The following RALYL variants were observed in gnomAD, a reference collection of about 807,000 sequenced individuals.
The protein encoded by RALYL is RNA-binding Raly-like protein.
A neutral mutation model predicts 35.1 loss-of-function variants in RALYL; 29 were observed. The observed-to-expected ratio is 0.83, with a 90% CI of 0.61 to 1.13. The LOEUF is 1.13. Ranked by LOEUF, RALYL falls within the 50% of genes most tolerant of loss-of-function variation. The probability of loss-of-function intolerance (pLI) is 0.00; values close to 1 mark genes in which losing one functional copy is unlikely to be tolerated. For missense variants in RALYL, 359 were observed against 360.4 expected (o/e 1.00, Z 0.03); for synonymous variants, 120 against 127.6 (o/e 0.94, Z 0.40).
intron 2 of RALYL, among the ~76,000 whole-genome samples, chr8:84,693,938 C>T (rs923777366): frequency 6.6e-6 from 1 of 151,712 alleles, no homozygotes; most frequent in Non-Finnish European, 1.5e-5. Context: ...AAAAAAAGCT[C>T]TCAACAAATT....
chr8:84,704,464 C>CAG (rs1840793985), intron 2 of RALYL, among the ~76,000 whole-genome samples: 1 of 135,476 alleles, frequency 7.4e-6, no homozygotes, highest in African/African-American at 3.1e-5. Flanking sequence ...CACACACACA[C>CAG]ACACACACAC....
In RALYL at chr8:84,575,500, A is replaced by C. The variant is rs529160773; in HGVS notation, c.256+45923A>C. ...TCAATAATTGTCTAGTGCAGCATGG[A>C]AAGTGTTCTTCCTCACAAGATTGAG... On this transcript the variant is annotated intron_variant, in intron 2 of 8. Coordinates refer to ENST00000521268, the MANE Select transcript of RALYL (RefSeq NM_173848.7). 2.6e-5 allele frequency among the ~76,000 whole-genome samples: 4 copies of C among 152,278 alleles called. No individual in the cohort carries two copies. The South Asian group carries it at 8.3e-4, about 32-fold the overall frequency.
rs73306923 is a variant in RALYL at position 84,313,220 on chromosome 8, G to A, written c.-24+128796G>A. 5.4e-3 allele frequency among the ~76,000 whole-genome samples: 824 copies of A among 152,316 alleles called. 7 individuals carry two copies. Among genetic ancestry groups the A allele is most frequent in the African/African-American group, 0.016 (663 of 41,572 alleles). On this transcript the variant is annotated intron_variant, in intron 1 of 8. Coordinates refer to ENST00000521268, the MANE Select transcript of RALYL (RefSeq NM_173848.7). ...AGTCCTCAGGCTACACAGAGGAATG[G>A]AGCCCTAGACCTGGCCCACGAAACC...
intron 2 of RALYL, among the ~76,000 whole-genome samples, chr8:84,749,721 A>G (rs1237890547): frequency 6.6e-6 from 1 of 152,176 alleles, no homozygotes; most frequent in Non-Finnish European, 1.5e-5. Flanking sequence ...GTCTGAGTCT[A>G]GGGAGACAAC....
chr8:84,447,599 T>C (rs1233320968), intron 1 of RALYL, among the ~76,000 whole-genome samples: 1 of 152,028 alleles, frequency 6.6e-6, no homozygotes, highest in Non-Finnish European at 1.5e-5. Context: ...CACACTTCCA[T>C]CCATTCATTC....
At chr8:84,333,018 A>G (rs1847129484) in intron 1 of RALYL, among the ~76,000 whole-genome samples, 1 of 152,188 alleles carries the variant, frequency 6.6e-6, no homozygotes, top group South Asian at 2.1e-4. Flanking sequence ...TTTCCAGTAT[A>G]CAAGAATGCA....
At chr8:84,424,900 T>C (rs1457709463) in intron 1 of RALYL, among the ~76,000 whole-genome samples, 2 of 151,736 alleles carry the variant, frequency 1.3e-5, no homozygotes, top group African/African-American at 2.4e-5. Context: ...GGAGGCAGTC[T>C]GCAGGTTCTC....
chr8:84,814,296 T>C (rs1826648586), intron 4 of RALYL, among the ~76,000 whole-genome samples: 1 of 152,100 alleles, frequency 6.6e-6, no homozygotes, highest in Non-Finnish European at 1.5e-5. Flanking sequence ...AGTTACATTA[T>C]AAAAAGCAAA....
chr8:84,850,054 C>T (rs1458178969), intron 5 of RALYL, 27 bp downstream of exon 5: 1 of 1,322,694 alleles, frequency 7.6e-7, no homozygotes, highest in East Asian at 2.7e-5. Flanking sequence ...TCCTTGTTTT[C>T]CTATGACTTA....
At chr8:84,879,571 C>G (rs575037593) in intron 7 of RALYL, among the ~76,000 whole-genome samples, 3 of 151,810 alleles carry the variant, frequency 2.0e-5, no homozygotes, top group East Asian at 1.9e-4. Flanking sequence ...TAAAACTGAT[C>G]GAGAAGTAGC....
At chr8:84,872,060 G>A (rs1324261117) in intron 6 of RALYL, among the ~76,000 whole-genome samples, 1 of 152,112 alleles carries the variant, frequency 6.6e-6, no homozygotes, top group African/African-American at 2.4e-5. Flanking sequence ...AAAAGAGACA[G>A]AAGATAAATA....
At chr8:84,410,873 T>C (rs548513385) in intron 1 of RALYL, among the ~76,000 whole-genome samples, 22 of 151,782 alleles carry the variant, frequency 1.4e-4, no homozygotes, top group Non-Finnish European at 2.7e-4. Context: ...TCTGCTTGAA[T>C]TCCTGGTTTA....
intron 1 of RALYL, among the ~76,000 whole-genome samples, chr8:84,445,959 G>T (rs1056286944): frequency 2.0e-5 from 3 of 151,338 alleles, no homozygotes; most frequent in African/African-American, 4.8e-5. Context: ...ATTGTTTAAA[G>T]ATTTATATAA....
intron 1 of RALYL, among the ~76,000 whole-genome samples, chr8:84,218,152 G>C (rs915870492): frequency 1.3e-5 from 2 of 152,046 alleles, no homozygotes; most frequent in African/African-American, 4.8e-5. Flanking sequence ...TTGGCAAGTA[G>C]AGAGACTAGT....
intron 1 of RALYL, among the ~76,000 whole-genome samples, chr8:84,492,062 A>G (rs2055374706): frequency 1.3e-5 from 2 of 152,042 alleles, no homozygotes; most frequent in African/African-American, 4.8e-5. Context: ...TATAACTTAA[A>G]ACTATAAAAA....
At chr8:84,310,027 G>A (rs1039240625) in intron 1 of RALYL, among the ~76,000 whole-genome samples, 1 of 151,790 alleles carries the variant, frequency 6.6e-6, no homozygotes, top group Non-Finnish European at 1.5e-5. Context: ...GCACCTAGCT[G>A]CTAAGTGTTT....
intron 1 of RALYL, among the ~76,000 whole-genome samples, chr8:84,257,735 A>G (rs1453142012): frequency 6.6e-6 from 1 of 152,108 alleles, no homozygotes; most frequent in Non-Finnish European, 1.5e-5. Context: ...TGCATAAGCT[A>G]TCTAACTGGA....
chr8:84,240,389 C>T (rs912964467), intron 1 of RALYL, among the ~76,000 whole-genome samples: 5 of 152,134 alleles, frequency 3.3e-5, no homozygotes, highest in African/African-American at 4.8e-5. Flanking sequence ...TCTAGAATAT[C>T]GAAAGTCTGG....
intron 1 of RALYL, among the ~76,000 whole-genome samples, chr8:84,477,203 C>T (rs977887554): frequency 5.3e-5 from 8 of 152,050 alleles, no homozygotes; most frequent in African/African-American, 1.7e-4. Flanking sequence ...ATCATTTTGA[C>T]TTAACTAGCA....
Sources: allele counts gnomAD v4.1 joint callset (sites outside exome capture counted in the v4.1 genomes callset), GRCh38; gene constraint gnomAD v4.1.1; transcripts MANE v1.5; gene names NCBI Gene and HGNC (gene_info 2026-07-23, HGNC 2026-07-21).